Variants in MIB1 observed in about 807,000 individuals in gnomAD.
MIB1 encodes MIB E3 ubiquitin protein ligase 1, also known as E3 ubiquitin-protein ligase MIB1.
A neutral mutation model predicts 124.5 loss-of-function variants in MIB1; 278 were observed. The ratio of observed to expected loss-of-function variants is 2.23; its 90% CI spans 2.02 to 2.47. The LOEUF (loss-of-function observed/expected upper bound fraction) is 2.47. MIB1 is among the 30% of genes most tolerant of loss of function. The pLI, the probability that MIB1 is intolerant of heterozygous loss-of-function variation, is 0.00. For missense variants in MIB1, 957 were observed against 1,254.4 expected (o/e 0.76, Z 3.58); for synonymous variants, 446 against 429.4 (o/e 1.04, Z -0.48).
intron 12 of MIB1, among the ~76,000 whole-genome samples, chr18:21,832,070 G>A (rs2041989399): frequency 6.6e-6 from 1 of 152,128 alleles, no homozygotes; most frequent in African/African-American, 2.4e-5. Context: ...TATTGGTGGT[G>A]GAGAGACATC....
intron 10 of MIB1, chr18:21,812,405 T>G (rs377350803): frequency 2.6e-5 from 4 of 152,172 alleles, no homozygotes; most frequent in African/African-American, 9.7e-5. Flanking sequence ...GAATTATGAC[T>G]TTGGTGTGAA....
At chr18:21,818,965 T>A (rs2041855481) in intron 11 of MIB1, among the ~76,000 whole-genome samples, 1 of 152,070 alleles carries the variant, frequency 6.6e-6, no homozygotes, top group South Asian at 2.1e-4. Context: ...CCAGCATGCT[T>A]ATTTTGTTTT....
At chr18:21,746,990 C>A (rs1019902293) in intron 1 of MIB1, among the ~76,000 whole-genome samples, 7 of 152,116 alleles carry the variant, frequency 4.6e-5, no homozygotes, top group African/African-American at 1.7e-4. Flanking sequence ...CTATTCTGAT[C>A]TGTTTCTAGA....
At chr18:21,844,840 C>T (rs1276931535) in intron 15 of MIB1, among the ~76,000 whole-genome samples, 1 of 152,170 alleles carries the variant, frequency 6.6e-6, no homozygotes, top group Non-Finnish European at 1.5e-5. Context: ...TTTCATTTGT[C>T]TGTCACCATA....
intron 1 of MIB1, among the ~76,000 whole-genome samples, chr18:21,718,771 C>T (rs1206012711): frequency 6.6e-6 from 1 of 152,140 alleles, no homozygotes; most frequent in Non-Finnish European, 1.5e-5. Context: ...AGACAAAGGA[C>T]CATGTGGGGC....
chr18:21,812,327 A>T (rs1303169057), intron 10 of MIB1: 1 of 152,172 alleles, frequency 6.6e-6, no homozygotes, highest in Non-Finnish European at 1.5e-5. Flanking sequence ...GTCTCTAAAG[A>T]GATTTGTTTT....
In MIB1 at chr18:21,768,741, C is replaced by G; in HGVS notation, c.520C>G (p.Arg174Gly). The change falls in exon 3 of 21, where the codon CGT (arginine) becomes GGT (glycine). Residue 174 changes from arginine (R) to glycine (G), a missense_variant. Transcript: ENST00000261537. ...GGAAGATCAAGATGGAGGAAATGGACGTAGGGGAAAGGTACAGTGTTTCTC... is the reference window on the plus strand; with the variant it reads ...GGAAGATCAAGATGGAGGAAATGGAGGTAGGGGAAAGGTACAGTGTTTCTC... ...QWEDQDGGNG[R>G]RGKVTEIQDW... is the part of the protein sequence containing the mutation. 6.2e-7 allele frequency: 1 copy of G among 1,609,968 alleles called. No individual in the cohort carries two copies.
intron 11 of MIB1, 123 bp from the exon 12 acceptor site, chr18:21,819,372 G>T: frequency 1.7e-6 from 1 of 594,528 alleles, no homozygotes; most frequent in Admixed American, 3.1e-5. Flanking sequence ...CACAGAAAGT[G>T]CTCTTTTATT....
upstream of MIB1, among the ~76,000 whole-genome samples, chr18:21,736,265 A>T (rs930569663): frequency 2.0e-5 from 3 of 152,266 alleles, no homozygotes; most frequent in African/African-American, 7.2e-5. Context: ...AGCAAATGCC[A>T]GCAGACCTGC....
chr18:21,713,754 C>CTTTT (rs79864353), intron 1 of MIB1, among the ~76,000 whole-genome samples: 7 of 138,306 alleles, frequency 5.1e-5, no homozygotes, highest in African/African-American at 1.9e-4. Flanking sequence ...CACCCCTCTC[C>CTTTT]TTTTTTTTTT....
At chr18:21,781,689 A>G (rs557311042) in intron 6 of MIB1, among the ~76,000 whole-genome samples, 1 of 152,098 alleles carries the variant, frequency 6.6e-6, no homozygotes, top group Non-Finnish European at 1.5e-5. Context: ...TGCTGAGATT[A>G]CAGGTGAGCC....
At chr18:21,765,998 T>C in intron 2 of MIB1, 55 bp downstream of exon 2, 1 of 1,539,716 alleles carries the variant, frequency 6.5e-7, no homozygotes. Context: ...ATTCAAGTTA[T>C]GTACTTCTGG....
At chr18:21,768,037 C>T (rs2041183590) in intron 2 of MIB1, among the ~76,000 whole-genome samples, 1 of 152,164 alleles carries the variant, frequency 6.6e-6, no homozygotes, top group South Asian at 2.1e-4. Context: ...ACTGATGATG[C>T]TTTTGAGTCA....
Position 21,817,369 on chromosome 18 carries a change from C to T in MIB1, c.1677+1556C>T, listed in dbSNP as rs139856765. Among the ~76,000 whole-genome samples, 745 of 152,088 alleles carry T rather than the reference C, an allele frequency of 4.9e-3. 1 individual carries two copies. The highest frequency in any genetic ancestry group is 8.0e-3 in the Non-Finnish European group (543 of 67,978). On this transcript the variant is annotated intron_variant, in intron 11 of 20. Coordinates refer to ENST00000261537, the MANE Select transcript of MIB1 (RefSeq NM_020774.4). ...CAAACTTCTGGTCTCAAGCAATCTT[C>T]CTGCTCCCACCTCCCAAAGTCCTGG...
chr18:21,843,821 A>G (rs1215856108), intron 14 of MIB1, among the ~76,000 whole-genome samples: 2 of 152,238 alleles, frequency 1.3e-5, no homozygotes, highest in East Asian at 3.8e-4. Flanking sequence ...TCCCTCCGTT[A>G]TCATCATCTT....
intron 1 of MIB1, among the ~76,000 whole-genome samples, chr18:21,726,873 C>G (rs1371446747): frequency 6.6e-6 from 1 of 152,092 alleles, no homozygotes; most frequent in African/African-American, 2.4e-5. Flanking sequence ...ACAGCAAAGT[C>G]CATATAAATG....
chr18:21,815,590 A>G (rs769036594), intron 10 of MIB1, 26 bp from the exon 11 acceptor site: 72 of 1,583,326 alleles, frequency 4.5e-5, no homozygotes, highest in Non-Finnish European at 2.8e-5. Context: ...ATATTCACTA[A>G]TTCACATTTC....
intron 2 of MIB1, among the ~76,000 whole-genome samples, chr18:21,766,992 A>G (rs2041168691): frequency 6.6e-6 from 1 of 152,240 alleles, no homozygotes; most frequent in Non-Finnish European, 1.5e-5. Context: ...CAATAGGGAT[A>G]CATGGTCTTG....
At position 21,843,132 on chromosome 18, in the gene MIB1, G is replaced by A; in HGVS notation, c.1964G>A (p.Gly655Asp). 1 of 1,601,126 alleles carries A rather than the reference G, an allele frequency of 6.2e-7. No homozygotes were observed. Among genetic ancestry groups the A allele is most frequent in the African/African-American group, 1.3e-5 (1 of 74,284 alleles). Residue 655 changes from glycine to aspartate, a missense_variant and splice_region_variant, in exon 14 of 21, where the codon GGT becomes GAT. Physicochemically the swap from Gly to Asp is moderately conservative, Grantham distance 94. Transcript: ENST00000261537. ...VEVAELLVHQ[G>D]NANLDIQNVN... Reference sequence around the variant, plus strand: ...TTAACATTTGTTCTTCTCGTTCAGGGTAATGCAAACCTGGATATCCAGAAT... The same window carrying A: ...TTAACATTTGTTCTTCTCGTTCAGGATAATGCAAACCTGGATATCCAGAAT...
Sources: allele counts gnomAD v4.1 joint callset (sites outside exome capture counted in the v4.1 genomes callset), GRCh38; gene constraint gnomAD v4.1.1; transcripts MANE v1.5; gene names NCBI Gene and HGNC (gene_info 2026-07-23, HGNC 2026-07-21).